LPIN2: variants seen among roughly 807,000 people sequenced by gnomAD.
LPIN2 encodes lipin 2, also known as phosphatidate phosphatase LPIN2.
LPIN2 carries 55 observed loss-of-function variants against 111.4 expected under a neutral mutation model. The observed-to-expected ratio is 0.49, with a 90% CI of 0.40 to 0.62. The LOEUF is 0.62. LPIN2 is among the 20% of genes least tolerant of loss of function. The pLI is 0.00. For missense variants in LPIN2, 992 were observed against 1,112.1 expected, an observed-to-expected ratio of 0.89 and a Z score of 1.54; for synonymous variants, 425 against 414.0, an observed-to-expected ratio of 1.03 and a Z score of -0.32.
intron 1 of LPIN2, among the ~76,000 whole-genome samples, chr18:2,973,717 C>A (rs2077961010): frequency 6.6e-6 from 1 of 152,222 alleles, no homozygotes. Context: ...GGAATATTTG[C>A]ATATACATAA....
At position 2,958,141 on chromosome 18, in the gene LPIN2, C is replaced by CAAAAAAAAAAAAAAA. The variant is rs1224779773; in HGVS notation, c.192+2493_192+2507dup. 4.9e-3 allele frequency among the ~76,000 whole-genome samples: 59 copies of CAAAAAAAAAAAAAAA among 11,948 alleles called. 10 individuals carry two copies. Among genetic ancestry groups the CAAAAAAAAAAAAAAA allele is most frequent in the East Asian group, 0.015 (3 of 204 alleles). 7.8% of individuals were successfully genotyped at this position (11,948 alleles called of 152,430 possible). On this transcript the variant is annotated intron_variant, in intron 2 of 19. Coordinates refer to ENST00000677752, the MANE Select transcript of LPIN2 (RefSeq NM_001375808.2). ...TGGGCGACAAAGCGAGACTCCATCTCAAAAAAAAAAAAAAAACAACAAAAA... is the reference window on the plus strand; with the variant it reads ...TGGGCGACAAAGCGAGACTCCATCTCAAAAAAAAAAAAAAAAAAAAAAAAAAAAAAACAACAAAAA...
chr18:2,960,761 A>G lies in LPIN2; in HGVS notation c.80T>C (p.Leu27Pro). The G allele has an allele frequency of 6.2e-7, 1 of 1,614,116 alleles. No homozygotes were observed. Residue 27 changes from leucine to proline, a missense_variant, in exon 2 of 20, where the codon CTC becomes CCC. By Grantham distance (98) the Leu-to-Pro change is moderately conservative. Coordinates refer to ENST00000677752, the MANE Select transcript of LPIN2 (RefSeq NM_001375808.2). ...CACGATGACATCAATGCACCCAGAG[A>G]GGGTGGCCTGGTTAATGCCCTTGTA... The part of the protein sequence containing the change: ...ELYKGINQAT[L>P]SGCIDVIVVQ...
rs758480461 is a variant in LPIN2 at position 2,946,607 on chromosome 18, G to A, written c.590+4448C>T. 1.0e-3 allele frequency: 853 copies of A among 830,352 alleles called. 2 individuals are homozygous for A. Among genetic ancestry groups the A allele is most frequent in the Non-Finnish European group, 1.5e-3 (713 of 480,476 alleles). 51.4% of individuals were successfully genotyped at this position (830,352 alleles called of 1,614,324 possible). A position where few individuals can be genotyped will look rare whatever the true frequency, so the allele number is the denominator to read the frequency against. On this transcript the variant is annotated intron_variant, in intron 4 of 19. Transcript: ENST00000677752. ...AAGAGGATGCGTTAGCCAATCCCGTGTTGCTAGCACCAGTCTCCATACCTC... is the reference window on the plus strand; with the variant it reads ...AAGAGGATGCGTTAGCCAATCCCGTATTGCTAGCACCAGTCTCCATACCTC...
intron 1 of LPIN2, among the ~76,000 whole-genome samples, chr18:3,008,335 G>C (rs545426154): frequency 6.6e-6 from 1 of 152,192 alleles, no homozygotes; most frequent in South Asian, 2.1e-4. Context: ...CCAGCTACTC[G>C]GGAGTCCGAG....
intron 1 of LPIN2, among the ~76,000 whole-genome samples, chr18:2,986,199 T>C (rs959597925): frequency 2.6e-5 from 4 of 152,224 alleles, no homozygotes; most frequent in Non-Finnish European, 5.9e-5. Context: ...CAAGATAAAA[T>C]TCCTCTTGCT....
At chr18:2,945,267 C>A (rs1417736321) in intron 4 of LPIN2, among the ~76,000 whole-genome samples, 3 of 152,110 alleles carry the variant, frequency 2.0e-5, no homozygotes, top group African/African-American at 4.8e-5. Context: ...AGAAATACTG[C>A]AATTATGGTT....
chr18:2,932,332 C>CAG (rs2077222253), intron 8 of LPIN2, among the ~76,000 whole-genome samples: 1 of 152,120 alleles, frequency 6.6e-6, no homozygotes, highest in Admixed American at 6.5e-5. Context: ...AACAGTGACC[C>CAG]AGAGGTTTAC....
chr18:3,012,729 T>A (rs2078628247), intron 1 of LPIN2, among the ~76,000 whole-genome samples: 1 of 152,010 alleles, frequency 6.6e-6, no homozygotes, highest in African/African-American at 2.4e-5. Flanking sequence ...AGGGGTGGTC[T>A]CGGGTAACCA....
intron 1 of LPIN2, among the ~76,000 whole-genome samples, chr18:2,963,881 T>C (rs560779810): frequency 1.3e-5 from 2 of 151,920 alleles, no homozygotes; most frequent in South Asian, 4.2e-4. Context: ...CTAACAATAA[T>C]CACACTGGAA....
Position 2,917,377 on chromosome 18 carries a change from G to A in LPIN2, c.*2916C>T, listed in dbSNP as rs1247024905. 1 of 152,194 alleles carries A rather than the reference G, an allele frequency of 6.6e-6. No individual in the cohort carries two copies. Among genetic ancestry groups the A allele is most frequent in the Non-Finnish European group, 1.5e-5 (1 of 68,030 alleles). The allele number at this position is 152,194 out of a possible 1,614,324, so 9.4% of individuals were successfully genotyped here. A position where few individuals can be genotyped will look rare whatever the true frequency, so the allele number is the denominator to read the frequency against. On this transcript the variant is annotated 3_prime_UTR_variant, in exon 20 of 20. Transcript: ENST00000677752. ...AAACATCGAAATTCCCCGGAAGTCT[G>A]TTTTTGCCAACTTGTAAAAAGTGAA...
At chr18:2,984,121 G>A (rs1176686806) in intron 1 of LPIN2, among the ~76,000 whole-genome samples, 1 of 152,206 alleles carries the variant, frequency 6.6e-6, no homozygotes, top group Non-Finnish European at 1.5e-5. Context: ...AGTAATAGGT[G>A]TCTGGTGATG....
In LPIN2 at chr18:2,943,903, T is replaced by A. The variant is rs149227142; in HGVS notation, c.591-3191A>T. Among the ~76,000 whole-genome samples the A allele has an allele frequency of 3.9e-5, 6 of 152,362 alleles. No individual in the cohort carries two copies. In the East Asian group the frequency reaches 1.2e-3, roughly 29 times the overall value. On this transcript the variant is annotated intron_variant, in intron 4 of 19. Transcript: ENST00000677752. ...TTATTTGCTAATGGTAGTAGAATGA[T>A]ATATATGCTTTATTAACGAAAATAG...
chr18:2,947,179 T>G (rs2077466241), intron 4 of LPIN2, among the ~76,000 whole-genome samples: 1 of 152,260 alleles, frequency 6.6e-6, no homozygotes, highest in Admixed American at 6.5e-5. Context: ...TTGAGACTCC[T>G]TTCTGATGGT....
chr18:2,948,814 A>AT (rs769701843), intron 4 of LPIN2, among the ~76,000 whole-genome samples: 4,632 of 144,592 alleles, frequency 0.032, 93 homozygotes, highest in African/African-American at 0.061. Context: ...ATTGTTTATA[A>AT]TTTTTTTTTT....
In LPIN2 at chr18:3,002,059, TACA is replaced by T. The variant is rs2143476793; in HGVS notation, c.-10+11025_-10+11027del. Among the ~76,000 whole-genome samples, 2 of 152,182 alleles carry T rather than the reference TACA, an allele frequency of 1.3e-5. 1 individual carries two copies. Among genetic ancestry groups the T allele is most frequent in the South Asian group, 4.1e-4 (2 of 4,830 alleles). The stretch of plus-strand genomic sequence containing the variant: ...AAACAAACAAACCAGGAAATTTAAA[TACA>T]ACAAAGTTATCTAGTTAATTCACTT... On this transcript the variant is annotated intron_variant, in intron 1 of 19. Coordinates refer to ENST00000677752, the MANE Select transcript of LPIN2 (RefSeq NM_001375808.2).
intron 1 of LPIN2, among the ~76,000 whole-genome samples, chr18:2,996,476 T>TC: frequency 8.1e-5 from 1 of 12,346 alleles, no homozygotes. Flanking sequence ...TCTTTTTTTT[T>TC]TTTTTTTTTT....
At chr18:3,002,965 G>A (rs1021005474) in intron 1 of LPIN2, among the ~76,000 whole-genome samples, 1 of 152,198 alleles carries the variant, frequency 6.6e-6, no homozygotes, top group Non-Finnish European at 1.5e-5. Context: ...TTCGCCCTTT[G>A]TCCTATGACT....
chr18:2,921,407 C>T (rs576836626), intron 18 of LPIN2, 126 bp downstream of exon 18: 32 of 760,048 alleles, frequency 4.2e-5, no homozygotes, highest in South Asian at 1.1e-4. Flanking sequence ...GAAAACCGAA[C>T]AAGCAGAACA....
At chr18:2,926,298 G>A (rs1057238721) in intron 13 of LPIN2, among the ~76,000 whole-genome samples, 20 of 152,252 alleles carry the variant, frequency 1.3e-4, no homozygotes, top group African/African-American at 3.6e-4. Flanking sequence ...GCAGGAACAC[G>A]GCGTATCGCG....
Sources: allele counts gnomAD v4.1 joint callset (sites outside exome capture counted in the v4.1 genomes callset), GRCh38; gene constraint gnomAD v4.1.1; transcripts MANE v1.5; gene names NCBI Gene and HGNC (gene_info 2026-07-23, HGNC 2026-07-21).